Variants in KCNB2 observed in about 807,000 individuals in gnomAD.
KCNB2 encodes potassium voltage-gated channel subfamily B member 2.
A neutral mutation model predicts 61.5 loss-of-function variants in KCNB2; 15 were observed. The observed-to-expected ratio is 0.24, with a 90% CI of 0.16 to 0.38. KCNB2 has a LOEUF of 0.38. Ranked by LOEUF, KCNB2 falls within the 10% of genes least tolerant of loss-of-function variation. The pLI is 1.00. For synonymous variants in KCNB2, 457 were observed against 446.0 expected (o/e 1.02, Z -0.31); for missense variants, 828 against 1,125.2 (o/e 0.74, Z 3.78).
chr8:72,846,823 G>T (rs1810003082), intron 2 of KCNB2, among the ~76,000 whole-genome samples: 1 of 152,172 alleles, frequency 6.6e-6, no homozygotes, highest in Admixed American at 6.5e-5. Flanking sequence ...CTGTAAACTA[G>T]TTCAACCATT....
At chr8:72,697,450 C>A (rs1285940632) in intron 2 of KCNB2, among the ~76,000 whole-genome samples, 1 of 152,116 alleles carries the variant, frequency 6.6e-6, no homozygotes, top group Non-Finnish European at 1.5e-5. Flanking sequence ...AGGGAGTCAT[C>A]GCTCCCTAAA....
At chr8:72,747,869 T>C (rs979374144) in intron 2 of KCNB2, among the ~76,000 whole-genome samples, 1 of 152,220 alleles carries the variant, frequency 6.6e-6, no homozygotes, top group Non-Finnish European at 1.5e-5. Flanking sequence ...ATGCACTTTT[T>C]ATTTTAGAGA....
chr8:72,920,221 T>C (rs1259248387), intron 2 of KCNB2, among the ~76,000 whole-genome samples: 1 of 151,544 alleles, frequency 6.6e-6, no homozygotes, highest in Non-Finnish European at 1.5e-5. Context: ...TTGAGACAAA[T>C]CATATAATGA....
intron 2 of KCNB2, among the ~76,000 whole-genome samples, chr8:72,747,637 G>A (rs1808099479): frequency 6.6e-6 from 1 of 152,136 alleles, no homozygotes; most frequent in Admixed American, 6.5e-5. Context: ...TATTAGAGAA[G>A]TAAAGAAACA....
intron 2 of KCNB2, among the ~76,000 whole-genome samples, chr8:72,859,203 T>C (rs1242151101): frequency 6.6e-6 from 1 of 152,152 alleles, no homozygotes; most frequent in African/African-American, 2.4e-5. Flanking sequence ...GCTGTGGTTA[T>C]TGGCATCTCA....
At chr8:72,627,293 G>A (rs1167517988) in intron 2 of KCNB2, among the ~76,000 whole-genome samples, 1 of 152,136 alleles carries the variant, frequency 6.6e-6, no homozygotes, top group Non-Finnish European at 1.5e-5. Flanking sequence ...TGAAGAAAAG[G>A]GCAGGTGATA....
chr8:72,613,719 G>T (rs1237140024), intron 2 of KCNB2, among the ~76,000 whole-genome samples: 1 of 152,136 alleles, frequency 6.6e-6, no homozygotes, highest in East Asian at 1.9e-4. Flanking sequence ...TAGTCCCATT[G>T]TAAACCCCTG....
rs188419514 is a variant in KCNB2, at chr8:72,927,713, G to T, written c.580-8222G>T. ...CATTCACGTTATAGTCTCTTGATGG[G>T]TTCTTTCTGGAATTGACCAGTTTAC... On this transcript the variant is annotated intron_variant, in intron 2 of 2. Coordinates refer to ENST00000523207, the MANE Select transcript of KCNB2 (RefSeq NM_004770.3). Among the ~76,000 whole-genome samples the T allele has an allele frequency of 1.3e-3, 205 of 152,302 alleles. 1 individual carries two copies. Among genetic ancestry groups the T allele is most frequent in the Non-Finnish European group, 1.8e-3 (120 of 68,032 alleles).
At chr8:72,736,648 C>T (rs1585861941) in intron 2 of KCNB2, among the ~76,000 whole-genome samples, 2 of 152,076 alleles carry the variant, frequency 1.3e-5, no homozygotes, top group Admixed American at 1.3e-4. Context: ...TCTTTCAGCA[C>T]CCCCGCTTCA....
chr8:72,886,497 G>A (rs1331389911), intron 2 of KCNB2, among the ~76,000 whole-genome samples: 1 of 152,188 alleles, frequency 6.6e-6, no homozygotes, highest in Non-Finnish European at 1.5e-5. Context: ...TAGACATTCT[G>A]TCTCCCCCAA....
intron 2 of KCNB2, among the ~76,000 whole-genome samples, chr8:72,901,461 T>G (rs933235927): frequency 2.0e-5 from 3 of 152,208 alleles, no homozygotes; most frequent in African/African-American, 7.2e-5. Context: ...TTTACCACCT[T>G]TTCTGCACCA....
intron 2 of KCNB2, among the ~76,000 whole-genome samples, chr8:72,767,567 T>C (rs917591486): frequency 5.9e-5 from 9 of 152,246 alleles, no homozygotes; most frequent in Non-Finnish European, 1.2e-4. Flanking sequence ...CTTCATTTCT[T>C]TTTATTGTTG....
intron 2 of KCNB2, among the ~76,000 whole-genome samples, chr8:72,667,789 T>G (rs1381294821): frequency 6.6e-6 from 1 of 152,194 alleles, no homozygotes; most frequent in African/African-American, 2.4e-5. Flanking sequence ...CTTTGGAAGA[T>G]GTAAATCAGA....
intron 2 of KCNB2, among the ~76,000 whole-genome samples, chr8:72,895,470 A>T (rs909260270): frequency 2.6e-5 from 4 of 152,184 alleles, no homozygotes; most frequent in African/African-American, 9.6e-5. Context: ...TCCTAAAAGG[A>T]ACACAGCCTT....
At chr8:72,896,686 A>T (rs576057074) in intron 2 of KCNB2, among the ~76,000 whole-genome samples, 4 of 152,248 alleles carry the variant, frequency 2.6e-5, no homozygotes, top group African/African-American at 9.6e-5. Flanking sequence ...AGATATTTCA[A>T]AAAAAACATT....
At chr8:72,859,717 T>G (rs1395564660) in intron 2 of KCNB2, among the ~76,000 whole-genome samples, 1 of 134,200 alleles carries the variant, frequency 7.5e-6, no homozygotes, top group East Asian at 2.1e-4. Context: ...GTTTTTTTTT[T>G]TTTTTTTTTT....
chr8:72,666,167 T>TTTTC (rs1332604695), intron 2 of KCNB2, among the ~76,000 whole-genome samples: 8 of 152,248 alleles, frequency 5.3e-5, no homozygotes, highest in African/African-American at 1.9e-4. Context: ...TTCTTTTCTT[T>TTTTC]ACAAACAAAA....
intron 1 of KCNB2, 51 bp from the exon 2 acceptor site, chr8:72,567,591 G>T (rs1806643039): frequency 9.7e-6 from 6 of 615,912 alleles, no homozygotes; most frequent in Admixed American, 2.7e-5. Context: ...CCATAGAACA[G>T]AAACACTCTA....
chr8:72,886,093 T>C (rs1215002367), intron 2 of KCNB2, among the ~76,000 whole-genome samples: 1 of 152,254 alleles, frequency 6.6e-6, no homozygotes, highest in East Asian at 1.9e-4. Context: ...TGTTCAACTT[T>C]ATATATTTAA....
Sources: gnomAD v4.1 joint callset for allele counts (sites outside exome capture counted in the v4.1 genomes callset) on GRCh38, gnomAD v4.1.1 for gene constraint, MANE v1.5 for transcripts, NCBI Gene and HGNC (gene_info 2026-07-23, HGNC 2026-07-21) for gene names.